Variants in CAMKMT observed in about 807,000 individuals in gnomAD.
CAMKMT encodes calmodulin-lysine N-methyltransferase.
In CAMKMT, 53 loss-of-function variants were observed where a neutral mutation model predicts 48.0. That is an observed-to-expected ratio of 1.10 (90% CI 0.89 to 1.39). The LOEUF is 1.39. CAMKMT is among the 40% of genes most tolerant of loss of function. The pLI is 0.00. For missense variants in CAMKMT, 428 were observed against 402.7 expected (o/e 1.06, Z -0.54); for synonymous variants, 165 against 152.3 (o/e 1.08, Z -0.61).
At chr2:44,506,868 T>C (rs1411578545) in intron 3 of CAMKMT, among the ~76,000 whole-genome samples, 4 of 152,196 alleles carry the variant, frequency 2.6e-5, no homozygotes, top group Non-Finnish European at 5.9e-5. Context: ...GTATCATTTT[T>C]ATCTTGCAAA....
intron 3 of CAMKMT, among the ~76,000 whole-genome samples, chr2:44,700,326 G>C (rs1677191836): frequency 6.6e-6 from 1 of 152,158 alleles, no homozygotes; most frequent in East Asian, 1.9e-4. Flanking sequence ...GTGTTCACTG[G>C]AGTAACACTT....
At chr2:44,476,086 C>G (rs1332539481) in intron 3 of CAMKMT, among the ~76,000 whole-genome samples, 1 of 152,178 alleles carries the variant, frequency 6.6e-6, no homozygotes, top group African/African-American at 2.4e-5. Context: ...AAGACTTCTT[C>G]ATAATATATT....
chr2:44,641,883 A>T (rs1673470192), intron 3 of CAMKMT, among the ~76,000 whole-genome samples: 1 of 152,152 alleles, frequency 6.6e-6, no homozygotes, highest in Admixed American at 6.5e-5. Flanking sequence ...CTGATCCTCA[A>T]CATGAACCAG....
At chr2:44,705,790 AT>A (rs913182770) in intron 4 of CAMKMT, among the ~76,000 whole-genome samples, 1 of 151,664 alleles carries the variant, frequency 6.6e-6, no homozygotes, top group Non-Finnish European at 1.5e-5. Flanking sequence ...TTGTTTAAGA[AT>A]TTTTTTTTAA....
At chr2:44,423,956 A>T (rs371057176) in intron 3 of CAMKMT, among the ~76,000 whole-genome samples, 2 of 152,126 alleles carry the variant, frequency 1.3e-5, no homozygotes, top group Non-Finnish European at 2.9e-5. Flanking sequence ...ACCCGCCAAC[A>T]TTCCTGAGAT....
At chr2:44,418,743 C>G (rs1483168263) in intron 3 of CAMKMT, among the ~76,000 whole-genome samples, 1 of 152,136 alleles carries the variant, frequency 6.6e-6, no homozygotes, top group Non-Finnish European at 1.5e-5. Flanking sequence ...CATTTCCATA[C>G]AAATTTTAGG....
chr2:44,666,761 C>T (rs772457301), intron 3 of CAMKMT, among the ~76,000 whole-genome samples: 5 of 152,264 alleles, frequency 3.3e-5, no homozygotes, highest in African/African-American at 9.6e-5. Flanking sequence ...AGGCGCGAGC[C>T]GCCATGCCCG....
intron 3 of CAMKMT, among the ~76,000 whole-genome samples, chr2:44,678,616 A>C (rs1675850944): frequency 6.6e-6 from 1 of 152,220 alleles, no homozygotes; most frequent in African/African-American, 2.4e-5. Context: ...GGTTTTACTC[A>C]GCAAAAAACG....
chr2:44,642,449 T>G (rs1249238128), intron 3 of CAMKMT, among the ~76,000 whole-genome samples: 1 of 152,234 alleles, frequency 6.6e-6, no homozygotes, highest in African/African-American at 2.4e-5. Context: ...TCTCCACTGC[T>G]TCCTGCGGCT....
At chr2:44,447,316 A>T (rs1291785489) in intron 3 of CAMKMT, among the ~76,000 whole-genome samples, 2 of 152,114 alleles carry the variant, frequency 1.3e-5, no homozygotes, top group East Asian at 3.9e-4. Flanking sequence ...TCCTCGTTTT[A>T]TGTAATTCTG....
intron 5 of CAMKMT, 121 bp downstream of exon 5, chr2:44,706,462 G>A (rs1677566733): frequency 2.3e-6 from 2 of 885,852 alleles, no homozygotes; most frequent in African/African-American, 3.3e-5. Context: ...AAGCTGCCGG[G>A]TCTTGAGAGA....
chr2:44,412,541 G>A (rs1387235189), intron 3 of CAMKMT, among the ~76,000 whole-genome samples: 1 of 151,796 alleles, frequency 6.6e-6, no homozygotes, highest in African/African-American at 2.4e-5. Flanking sequence ...TTGCCATATT[G>A]GCCAGGCTGG....
At chr2:44,589,200 G>A (rs1261710290) in intron 3 of CAMKMT, among the ~76,000 whole-genome samples, 5 of 47,562 alleles carry the variant, frequency 1.1e-4, no homozygotes, top group African/African-American at 4.3e-4. Context: ...CTGCCCGGCC[G>A]CCCCTACTGG....
intron 3 of CAMKMT, among the ~76,000 whole-genome samples, chr2:44,410,634 A>G (rs1027580275): frequency 6.6e-6 from 1 of 152,134 alleles, no homozygotes; most frequent in Non-Finnish European, 1.5e-5. Flanking sequence ...CCTAAAGGGA[A>G]CATATTCTAA....
chr2:44,656,750 C>G (rs1390478008), intron 3 of CAMKMT, among the ~76,000 whole-genome samples: 2 of 149,008 alleles, frequency 1.3e-5, no homozygotes, highest in African/African-American at 5.0e-5. Flanking sequence ...CATTATTATT[C>G]CCAAATTAAG....
intron 3 of CAMKMT, among the ~76,000 whole-genome samples, chr2:44,607,626 C>G (rs959107514): frequency 1.3e-5 from 2 of 151,766 alleles, no homozygotes; most frequent in Admixed American, 6.6e-5. Context: ...TTTTATGTAC[C>G]ATAATGAAAA....
intron 3 of CAMKMT, among the ~76,000 whole-genome samples, chr2:44,624,295 T>A (rs559191621): frequency 1.3e-5 from 2 of 152,044 alleles, no homozygotes; most frequent in South Asian, 4.2e-4. Flanking sequence ...AATGGCTGGG[T>A]TTTTTTTCTT....
At chr2:44,549,635 C>T (rs1430497239) in intron 3 of CAMKMT, 1 of 622,960 alleles carries the variant, frequency 1.6e-6, no homozygotes, top group South Asian at 1.9e-5. Context: ...CTGAACTGCT[C>T]ATATATTTAA....
At chr2:44,616,339 C>A (rs1026802508) in intron 3 of CAMKMT, among the ~76,000 whole-genome samples, 1 of 152,154 alleles carries the variant, frequency 6.6e-6, no homozygotes, top group African/African-American at 2.4e-5. Flanking sequence ...ACTTTTAGAC[C>A]TTTAAAAATT....
Sources: allele counts gnomAD v4.1 joint callset (sites outside exome capture counted in the v4.1 genomes callset), GRCh38; gene constraint gnomAD v4.1.1; transcripts MANE v1.5; gene names NCBI Gene and HGNC (gene_info 2026-07-23, HGNC 2026-07-21).